TTC7A: variants seen among roughly 807,000 people sequenced by gnomAD.
TTC7A encodes tetratricopeptide repeat domain 7A.
A neutral mutation model predicts 103.7 loss-of-function variants in TTC7A; 110 were observed. The ratio of observed to expected loss-of-function variants is 1.06; its 90% CI spans 0.91 to 1.24. The LOEUF is 1.24. Among genes scored for constraint, TTC7A ranks in the 50% most tolerant of loss-of-function variants. TTC7A has a pLI of 0.00. For synonymous variants in TTC7A, 521 were observed against 467.9 expected (o/e 1.11, Z -1.47); for missense variants, 1,340 against 1,116.3 (o/e 1.20, Z -2.86).
chr2:47,073,555 A>G (rs1684956066), intron 19 of TTC7A, 147 bp from the exon 20 acceptor site: 2 of 681,096 alleles, frequency 2.9e-6, no homozygotes, highest in Non-Finnish European at 5.1e-6. Context: ...GGAAAGGCAC[A>G]GTCACTTAAC....
At position 46,969,067 on chromosome 2, in the gene TTC7A, T is replaced by C. The variant is rs1166580595; in HGVS notation, c.518-5906T>C. 3.3e-5 allele frequency among the ~76,000 whole-genome samples: 5 copies of C among 151,984 alleles called. No individual in the cohort carries two copies. In the East Asian group the frequency reaches 9.7e-4, roughly 29 times the overall value. ...CAGACGTGGGCCACCACTCCTGGCC[T>C]TATTTTCTATTGATATAGATTAATT... is the stretch of plus-strand genomic sequence containing the variant. On this transcript the variant is annotated intron_variant, in intron 3 of 19. Transcript: ENST00000319190.
Position 46,941,885 on chromosome 2 carries a change from C to A in TTC7A, c.184+160C>A. 1.1e-6 allele frequency: 1 copy of A among 891,922 alleles called. No homozygotes were observed. The highest frequency in any genetic ancestry group is 1.7e-6 in the Non-Finnish European group (1 of 589,676). The allele number at this position is 891,922 out of a possible 1,614,324, so 55.3% of individuals were successfully genotyped here. ...AGGGCAGTTAGGAAGGTCCTTCTGC[C>A]GCGAGAGAAAAATCACATGTGGTTT... On this transcript the variant is annotated intron_variant, in intron 1 of 19. Transcript: ENST00000319190. This position sits in a 1 kb window ranked among gnomAD's most constrained non-coding sequence, Gnocchi z 4.2.
At chr2:46,974,708 A>T in intron 3 of TTC7A, 2 of 570,056 alleles carry the variant, frequency 3.5e-6, no homozygotes, top group South Asian at 3.1e-5. Flanking sequence ...TGCGTTACAG[A>T]GGAGGGGTCA....
chr2:46,962,449 A>G (rs2104084226), intron 3 of TTC7A, among the ~76,000 whole-genome samples: 1 of 152,176 alleles, frequency 6.6e-6, no homozygotes, highest in African/African-American at 2.4e-5. Flanking sequence ...CTCCTGGCCC[A>G]CCTCCCACAG....
rs562795066 is a variant in TTC7A at position 46,997,210 on chromosome 2, C to T, written c.1065+2011C>T. Among the ~76,000 whole-genome samples, 254 of 152,150 alleles carry T rather than the reference C, an allele frequency of 1.7e-3. 1 individual carries two copies. The highest frequency in any genetic ancestry group is 5.9e-3 in the African/African-American group (243 of 41,508). On this transcript the variant is annotated intron_variant, in intron 8 of 19. Coordinates refer to ENST00000319190, the MANE Select transcript of TTC7A (RefSeq NM_020458.4). Reference sequence around the variant, plus strand: ...ACCAGGCCAGTCATGAACTCTTGACCTCAGGTGATCCACCTGCCTCAGCCT... The same window carrying T: ...ACCAGGCCAGTCATGAACTCTTGACTTCAGGTGATCCACCTGCCTCAGCCT...
intron 19 of TTC7A, among the ~76,000 whole-genome samples, chr2:47,065,093 C>T (rs1319808237): frequency 6.6e-6 from 1 of 152,144 alleles, no homozygotes; most frequent in Non-Finnish European, 1.5e-5. Context: ...CGAGACCATC[C>T]TGGCTAACAC....
chr2:47,003,476 T>C lies in TTC7A; in HGVS notation c.1066-2446T>C, dbSNP rs990191489. Among the ~76,000 whole-genome samples, 3 of 152,248 alleles carry C rather than the reference T, an allele frequency of 2.0e-5. No homozygotes were observed. The East Asian group carries it at 5.8e-4, about 29-fold the overall frequency. ...CTGTAGGGACCAGCAAGGGGTTCCA[T>C]GTCACTGGAGAGAAGCCCGCCAGTT... On this transcript the variant is annotated intron_variant, in intron 8 of 19. Transcript: ENST00000319190.
At chr2:46,919,237 T>G (rs1242523423) in intron 2 of TTC7A, among the ~76,000 whole-genome samples, 1 of 152,210 alleles carries the variant, frequency 6.6e-6, no homozygotes, top group East Asian at 1.9e-4. Flanking sequence ...TAAAAACAAT[T>G]TAAAGACTCT....
intron 3 of TTC7A, among the ~76,000 whole-genome samples, chr2:46,963,275 C>T (rs912892970): frequency 5.4e-5 from 8 of 148,644 alleles, no homozygotes; most frequent in African/African-American, 1.8e-4. Context: ...TTGTTTTATA[C>T]AGACAAAGCT....
chr2:47,075,454 CCTGA>C lies in TTC7A; in HGVS notation c.*1534_*1537del, dbSNP rs1685145717. 6.6e-6 allele frequency: 1 copy of C among 152,284 alleles called. No individual in the cohort carries two copies. The highest frequency in any genetic ancestry group is 2.4e-5 in the African/African-American group (1 of 41,554). The allele number at this position is 152,284 out of a possible 1,614,324, so 9.4% of individuals were successfully genotyped here. ...ACTAGGAAAGGCACCCAATGCATTT[CCTGA>C]CTTTTAAGCATTTCCTTGTTGGAAG... On this transcript the variant is annotated 3_prime_UTR_variant, in exon 20 of 20. Coordinates refer to ENST00000319190, the MANE Select transcript of TTC7A (RefSeq NM_020458.4).
chr2:46,929,147 G>C (rs954456788), intron 2 of TTC7A, among the ~76,000 whole-genome samples: 4 of 152,070 alleles, frequency 2.6e-5, no homozygotes, highest in African/African-American at 9.7e-5. Flanking sequence ...TGGGGCAATA[G>C]AGTGGGACTC....
rs781377684 is a variant in TTC7A, at chr2:47,006,002, C to T, written c.1146C>T (p.Ile382=). 7 of 1,614,038 alleles carry T rather than the reference C, an allele frequency of 4.3e-6. No individual in the cohort carries two copies. The Admixed American group carries it at 1.0e-4, about 23-fold the overall frequency. ...RTVSLQNAAA[I]YDLLSITLGR... ...TGAGCTTGCAGAATGCCGCAGCCAT[C>T]TATGACCTCCTGAGCATCACGTTGG... The change falls in exon 9 of 20, where the codon ATC becomes ATT. Residue 382 remains isoleucine, a synonymous_variant. Coordinates refer to ENST00000319190, the MANE Select transcript of TTC7A (RefSeq NM_020458.4).
chr2:46,978,331 C>G (rs1674077585), intron 4 of TTC7A: 1 of 154,658 alleles, frequency 6.5e-6, no homozygotes, highest in Admixed American at 6.4e-5. Flanking sequence ...AAGAGACCCT[C>G]TCTGTTCTCA....
chr2:47,032,374 C>T (rs1379959341), intron 15 of TTC7A, among the ~76,000 whole-genome samples: 1 of 152,182 alleles, frequency 6.6e-6, no homozygotes, highest in African/African-American at 2.4e-5. Context: ...GGTGCTTCCC[C>T]AAGGCTTGCA....
At chr2:46,934,692 AAAAC>A (rs529872793) in intron 2 of TTC7A, among the ~76,000 whole-genome samples, 217 of 152,084 alleles carry the variant, frequency 1.4e-3, no homozygotes, top group African/African-American at 5.0e-3. Flanking sequence ...CTCAAAAACA[AAAAC>A]AAACAAACAA....
At chr2:47,045,063 A>C (rs1458463322) in intron 15 of TTC7A, among the ~76,000 whole-genome samples, 14 of 152,212 alleles carry the variant, frequency 9.2e-5, no homozygotes, top group Non-Finnish European at 2.1e-4. Flanking sequence ...GCAGTGATCA[A>C]GTGCAGGCCC....
At chr2:46,980,914 C>T (rs1674386380) in intron 5 of TTC7A, among the ~76,000 whole-genome samples, 1 of 152,192 alleles carries the variant, frequency 6.6e-6, no homozygotes, top group Non-Finnish European at 1.5e-5. Context: ...AATGGTACAG[C>T]CTAGCCAGGT....
intron 3 of TTC7A, among the ~76,000 whole-genome samples, chr2:46,971,582 G>C (rs1051289116): frequency 6.8e-6 from 1 of 146,774 alleles, no homozygotes; most frequent in Non-Finnish European, 1.5e-5. Context: ...GGGGATTAGA[G>C]TGAGACTGGA....
At chr2:47,038,761 GGA>G (rs1239929907) in intron 15 of TTC7A, among the ~76,000 whole-genome samples, 2 of 150,724 alleles carry the variant, frequency 1.3e-5, no homozygotes, top group Admixed American at 6.6e-5. Context: ...CTGGAAGAAT[GGA>G]GAGTTTCAGG....
Sources: allele counts gnomAD v4.1 joint callset (sites outside exome capture counted in the v4.1 genomes callset), GRCh38; gene constraint gnomAD v4.1.1; non-coding constraint Gnocchi (gnomAD v3.1); transcripts MANE v1.5; gene names NCBI Gene and HGNC (gene_info 2026-07-23, HGNC 2026-07-21).